Variants in PPP2R2B observed in about 807,000 individuals in gnomAD.
PPP2R2B encodes the protein serine/threonine-protein phosphatase 2A 55 kDa regulatory subunit B beta isoform.
A neutral mutation model predicts 46.0 loss-of-function variants in PPP2R2B; 5 were observed. That is an observed-to-expected ratio of 0.11 (90% CI 0.06 to 0.23). The LOEUF (loss-of-function observed/expected upper bound fraction) is 0.23, where lower values mean the gene tolerates loss of function less well. Among genes scored for constraint, PPP2R2B ranks in the 10% least tolerant of loss-of-function variants. The pLI, the probability that PPP2R2B is intolerant of heterozygous loss-of-function variation, is 1.00. For missense variants in PPP2R2B, 367 were observed against 575.0 expected, an observed-to-expected ratio of 0.64 and a Z score of 3.70; for synonymous variants, 215 against 206.7, an observed-to-expected ratio of 1.04 and a Z score of -0.34.
chr5:146,689,333 T>A (rs1360146855), intron 5 of PPP2R2B, among the ~76,000 whole-genome samples: 1 of 152,220 alleles, frequency 6.6e-6, no homozygotes, highest in Non-Finnish European at 1.5e-5. Context: ...CCACATGATG[T>A]TTTGGTCAAT....
chr5:146,937,308 A>T (rs1764184381), intron 1 of PPP2R2B, among the ~76,000 whole-genome samples: 1 of 151,928 alleles, frequency 6.6e-6, no homozygotes, highest in Non-Finnish European at 1.5e-5. Context: ...CTCAGAAAAA[A>T]AAAAAAAGGG....
chr5:146,962,472 C>A (rs1172291835), intron 1 of PPP2R2B, among the ~76,000 whole-genome samples: 1 of 151,744 alleles, frequency 6.6e-6, no homozygotes, highest in African/African-American at 2.4e-5. Flanking sequence ...GCCTGACCAA[C>A]ATGGTGAAAC....
chr5:146,812,667 G>GTATATATATATATA (rs1186426182), intron 2 of PPP2R2B, among the ~76,000 whole-genome samples: 1 of 638 alleles, frequency 1.6e-3, no homozygotes, highest in Non-Finnish European at 4.7e-3. Context: ...CCTCAGAAGA[G>GTATATATATATATA]TATATATATA....
intron 2 of PPP2R2B, among the ~76,000 whole-genome samples, chr5:146,775,220 A>G (rs1329060261): frequency 6.6e-6 from 1 of 152,200 alleles, no homozygotes; most frequent in Non-Finnish European, 1.5e-5. Flanking sequence ...ACATTTTATG[A>G]ATACCGATGT....
At chr5:146,690,909 T>C (rs982293895) in intron 5 of PPP2R2B, among the ~76,000 whole-genome samples, 1 of 152,232 alleles carries the variant, frequency 6.6e-6, no homozygotes, top group East Asian at 1.9e-4. Flanking sequence ...GCAAGTCTTC[T>C]GGGACAAAAG....
Position 146,916,721 on chromosome 5 carries a change from A to G in PPP2R2B, c.79+138944T>C, listed in dbSNP as rs967060285. The stretch of plus-strand genomic sequence containing the variant: ...GTGTTTAATGTTTAATCTGTAGACT[A>G]TGCCAGAATAGCAACTCTACAGGTG... On this transcript the variant is annotated intron_variant, in intron 1 of 8. Transcript: ENST00000336640. Among the ~76,000 whole-genome samples, 70 of 152,296 alleles carry G rather than the reference A, an allele frequency of 4.6e-4. 1 individual carries two copies. Among genetic ancestry groups the G allele is most frequent in the Non-Finnish European group, 2.9e-5 (2 of 68,022 alleles).
chr5:147,019,692 G>A (rs1247546957), intron 1 of PPP2R2B, among the ~76,000 whole-genome samples: 1 of 152,088 alleles, frequency 6.6e-6, no homozygotes, highest in Non-Finnish European at 1.5e-5. Context: ...ATATAGCAAG[G>A]TGGCTCTTGT....
upstream of PPP2R2B, among the ~76,000 whole-genome samples, chr5:147,056,792 A>G (rs1757100278): frequency 6.6e-6 from 1 of 152,182 alleles, no homozygotes; most frequent in East Asian, 1.9e-4. Context: ...GTTTTGGTCC[A>G]TGAAATAATA....
At chr5:146,629,809 C>T (rs559800165) in intron 7 of PPP2R2B, among the ~76,000 whole-genome samples, 1 of 150,918 alleles carries the variant, frequency 6.6e-6, no homozygotes, top group East Asian at 2.0e-4. Flanking sequence ...TCTTTCCTTC[C>T]CCTCTCCCTC....
At chr5:146,642,145 T>C (rs1421898490) in intron 6 of PPP2R2B, among the ~76,000 whole-genome samples, 1 of 152,224 alleles carries the variant, frequency 6.6e-6, no homozygotes, top group Non-Finnish European at 1.5e-5. Flanking sequence ...GGAGGGGGCA[T>C]AGCCAGCTTG....
intron 7 of PPP2R2B, among the ~76,000 whole-genome samples, chr5:146,637,764 G>C (rs1313857456): frequency 6.6e-6 from 1 of 152,042 alleles, no homozygotes; most frequent in Non-Finnish European, 1.5e-5. Context: ...TATGTTCTCA[G>C]CCTCCCATGC....
At chr5:146,740,895 A>T (rs1752833127) in intron 2 of PPP2R2B, among the ~76,000 whole-genome samples, 1 of 152,162 alleles carries the variant, frequency 6.6e-6, no homozygotes, top group African/African-American at 2.4e-5. Flanking sequence ...CACCAAAGGA[A>T]CACATTAAAA....
At chr5:146,958,581 A>G (rs1211739555) in intron 1 of PPP2R2B, among the ~76,000 whole-genome samples, 2 of 152,182 alleles carry the variant, frequency 1.3e-5, no homozygotes, top group African/African-American at 4.8e-5. Context: ...CATCCTCACA[A>G]AATTTCCATA....
At chr5:146,820,046 T>C (rs1169209917) in intron 2 of PPP2R2B, among the ~76,000 whole-genome samples, 1 of 152,112 alleles carries the variant, frequency 6.6e-6, no homozygotes, top group Non-Finnish European at 1.5e-5. Context: ...AGAGTAGAAT[T>C]GTGGTTACCA....
chr5:147,063,746 C>T (rs1757339099), intron 2 of PPP2R2B, among the ~76,000 whole-genome samples: 1 of 152,130 alleles, frequency 6.6e-6, no homozygotes, highest in Non-Finnish European at 1.5e-5. Context: ...AGAGCCTTCC[C>T]CAGGATTAGG....
rs142081326 is a variant in PPP2R2B, at chr5:147,062,164, T to C, written c.50+18895A>G. The stretch of plus-strand genomic sequence containing the variant: ...TTGGATACACAAATGCTTATCATTG[T>C]GTTACAACTGCCCAGAGTACTCAGG... On this transcript the variant is annotated intron_variant, in intron 2 of 10. Transcript: ENST00000394413. Among the ~76,000 whole-genome samples, 430 of 152,356 alleles carry C rather than the reference T, an allele frequency of 2.8e-3. 1 individual carries two copies. Among genetic ancestry groups the C allele is most frequent in the Admixed American group, 7.7e-3 (118 of 15,304 alleles).
intron 1 of PPP2R2B, among the ~76,000 whole-genome samples, chr5:146,898,209 G>T (rs1762710201): frequency 6.6e-6 from 1 of 152,082 alleles, no homozygotes; most frequent in South Asian, 2.1e-4. Flanking sequence ...AACAAAAAAA[G>T]TAAAGATCAG....
At chr5:146,930,743 C>A (rs980218281) in intron 1 of PPP2R2B, among the ~76,000 whole-genome samples, 7 of 152,166 alleles carry the variant, frequency 4.6e-5, no homozygotes, top group Non-Finnish European at 7.4e-5. Flanking sequence ...TTCTCTTGAA[C>A]CCTGATGCTC....
intron 2 of PPP2R2B, among the ~76,000 whole-genome samples, chr5:146,735,111 T>C (rs946720070): frequency 6.6e-5 from 10 of 152,172 alleles, no homozygotes; most frequent in African/African-American, 2.4e-4. Context: ...TTATTATTTG[T>C]ATAAATCACT....
Sources: allele counts gnomAD v4.1 joint callset (sites outside exome capture counted in the v4.1 genomes callset), GRCh38; gene constraint gnomAD v4.1.1; transcripts MANE v1.5; gene names NCBI Gene and HGNC (gene_info 2026-07-23, HGNC 2026-07-21).